ZFHX3: variants seen among roughly 807,000 people sequenced by gnomAD.
The protein encoded by ZFHX3 is zinc finger homeobox protein 3.
In ZFHX3, 42 loss-of-function variants were observed where a neutral mutation model predicts 279.1. The ratio of observed to expected loss-of-function variants is 0.15; its 90% confidence interval spans 0.12 to 0.19. ZFHX3 has a LOEUF of 0.19. Ranked by LOEUF, ZFHX3 falls within the 10% of genes least tolerant of loss-of-function variation. The pLI is 1.00. For synonymous variants in ZFHX3, 2,293 were observed against 1,957.8 expected (o/e 1.17, Z -4.52); for missense variants, 4,981 against 4,754.0 (o/e 1.05, Z -1.40).
rs533810670 is a variant in ZFHX3 at position 73,109,555 on chromosome 16, G to A, written c.-896-15957C>T. On this transcript the variant is annotated intron_variant, in intron 7 of 17. Transcript: ENST00000641206. ...GATACACAAACTCGTGAAGCATTCCGTATTTTTTTTGTTTAAAAATTTTCC... is the reference window on the plus strand; with the variant it reads ...GATACACAAACTCGTGAAGCATTCCATATTTTTTTTGTTTAAAAATTTTCC... Among the ~76,000 whole-genome samples, 14 of 145,074 alleles carry A rather than the reference G, an allele frequency of 9.7e-5. No homozygotes were observed. The East Asian group carries it at 1.7e-3, about 18-fold the overall frequency.
intron 5 of ZFHX3, among the ~76,000 whole-genome samples, chr16:73,152,224 A>G (rs1332300286): frequency 6.6e-6 from 1 of 152,212 alleles, no homozygotes; most frequent in Non-Finnish European, 1.5e-5. Flanking sequence ...TATAATATAC[A>G]GCCTGTTAGT....
intron 1 of ZFHX3, among the ~76,000 whole-genome samples, chr16:73,738,563 G>A (rs2082877511): frequency 6.6e-6 from 1 of 152,246 alleles, no homozygotes; most frequent in Non-Finnish European, 1.5e-5. Context: ...GCTGAATGAT[G>A]AAGGAATGAT....
chr16:73,033,436 G>A (rs953538800), intron 1 of ZFHX3, among the ~76,000 whole-genome samples: 8 of 152,202 alleles, frequency 5.3e-5, no homozygotes, highest in African/African-American at 1.9e-4. Context: ...TGACAGAAGT[G>A]AAGCGGGGCT....
chr16:73,683,442 T>C (rs1300549728), intron 1 of ZFHX3, among the ~76,000 whole-genome samples: 1 of 152,234 alleles, frequency 6.6e-6, no homozygotes. Context: ...TAAGTGACTG[T>C]GATTAGGTCC....
At chr16:72,988,291 G>T (rs1478309759) in intron 1 of ZFHX3, among the ~76,000 whole-genome samples, 2 of 152,158 alleles carry the variant, frequency 1.3e-5, no homozygotes, top group Non-Finnish European at 2.9e-5. Context: ...CACAGTCTAG[G>T]GCAGGGAACA....
chr16:73,811,951 C>T (rs1283794111), intron 1 of ZFHX3, among the ~76,000 whole-genome samples: 1 of 152,164 alleles, frequency 6.6e-6, no homozygotes, highest in African/African-American at 2.4e-5. Flanking sequence ...TTTTTATCTT[C>T]ATTTTATCTT....
At chr16:73,182,325 C>G (rs375735539) in intron 5 of ZFHX3, among the ~76,000 whole-genome samples, 2 of 152,088 alleles carry the variant, frequency 1.3e-5, no homozygotes, top group African/African-American at 4.8e-5. Context: ...AGTGTGGTGG[C>G]GCATGCCTGT....
At chr16:73,684,885 G>C (rs1414891647) in intron 1 of ZFHX3, among the ~76,000 whole-genome samples, 3 of 151,992 alleles carry the variant, frequency 2.0e-5, no homozygotes, top group Non-Finnish European at 4.4e-5. Context: ...CTTTTTAGTA[G>C]AGACAGGATT....
intron 1 of ZFHX3, among the ~76,000 whole-genome samples, chr16:73,041,769 C>T (rs1261135646): frequency 2.0e-5 from 3 of 152,034 alleles, no homozygotes; most frequent in African/African-American, 4.8e-5. Flanking sequence ...CAAAAAAAAG[C>T]GGAGCTGTTA....
intron 5 of ZFHX3, among the ~76,000 whole-genome samples, chr16:73,171,088 C>A (rs985005126): frequency 4.6e-5 from 7 of 152,156 alleles, no homozygotes; most frequent in African/African-American, 1.7e-4. Flanking sequence ...CTCTTGACTT[C>A]AGCAAGTTCC....
At chr16:73,694,528 G>A (rs1047038501) in intron 1 of ZFHX3, among the ~76,000 whole-genome samples, 2 of 151,864 alleles carry the variant, frequency 1.3e-5, no homozygotes, top group Admixed American at 6.6e-5. Context: ...ATTTTTAGTA[G>A]AGACGTGGTT....
chr16:73,704,936 G>T (rs959465466), intron 1 of ZFHX3, among the ~76,000 whole-genome samples: 1 of 152,278 alleles, frequency 6.6e-6, no homozygotes, highest in East Asian at 1.9e-4. Context: ...AGGAGGTCAA[G>T]GGAGCCCTGA....
At chr16:73,664,710 A>T (rs1597054821) in intron 2 of ZFHX3, among the ~76,000 whole-genome samples, 1 of 152,288 alleles carries the variant, frequency 6.6e-6, no homozygotes, top group East Asian at 1.9e-4. Context: ...TTATAAAAAC[A>T]CTCCTTTGGA....
At chr16:72,939,992 C>T (rs1960330823) in intron 3 of ZFHX3, among the ~76,000 whole-genome samples, 1 of 152,164 alleles carries the variant, frequency 6.6e-6, no homozygotes, top group African/African-American at 2.4e-5. Context: ...CCAGGCTGGT[C>T]TTGAACTCTC....
At position 73,175,293 on chromosome 16, in the gene ZFHX3, T is replaced by C. The variant is rs1370150222; in HGVS notation, c.-1103-31462A>G. Among the ~76,000 whole-genome samples the C allele has an allele frequency of 2.0e-5, 3 of 150,176 alleles. No homozygotes were observed. In the East Asian group the frequency reaches 6.0e-4, roughly 30 times the overall value. On this transcript the variant is annotated intron_variant, in intron 5 of 17. Transcript: ENST00000641206. ...TACTTGAGATGCTGAGGCAGGAGAA[T>C]CACTTGAACCCAGGAGGTGGAGGCT...
chr16:73,197,782 G>A (rs886488978), intron 5 of ZFHX3, among the ~76,000 whole-genome samples: 6 of 152,096 alleles, frequency 3.9e-5, no homozygotes, highest in Non-Finnish European at 7.4e-5. Context: ...TGGGCTGGCC[G>A]TTGGTTCAAA....
chr16:73,011,448 T>C (rs990524812), intron 1 of ZFHX3, among the ~76,000 whole-genome samples: 1 of 151,218 alleles, frequency 6.6e-6, no homozygotes, highest in Non-Finnish European at 1.5e-5. Context: ...CATATATTAA[T>C]ATCACAAGTC....
At chr16:73,748,070 G>C (rs2053720370) in intron 1 of ZFHX3, among the ~76,000 whole-genome samples, 1 of 152,090 alleles carries the variant, frequency 6.6e-6, no homozygotes, top group African/African-American at 2.4e-5. Flanking sequence ...CTATCCAGTG[G>C]GTTGTAGGAA....
intron 5 of ZFHX3, among the ~76,000 whole-genome samples, chr16:73,176,849 C>CA (rs1189740544): frequency 2.0e-5 from 3 of 152,040 alleles, no homozygotes; most frequent in East Asian, 3.9e-4. Flanking sequence ...AGAACAAGCA[C>CA]AAGGCTTGCA....
Sources: gnomAD v4.1 joint callset for allele counts (sites outside exome capture counted in the v4.1 genomes callset) on GRCh38, gnomAD v4.1.1 for gene constraint, MANE v1.5 for transcripts, NCBI Gene and HGNC (gene_info 2026-07-23, HGNC 2026-07-21) for gene names.